The following MYO9B variants were observed in gnomAD, a reference collection of about 807,000 sequenced individuals.
MYO9B encodes unconventional myosin-IXb.
Under a neutral mutation model 229.5 loss-of-function variants are expected in MYO9B, and 71 were observed. The observed-to-expected ratio is 0.31, with a 90% CI of 0.26 to 0.38. The LOEUF is 0.38. Ranked by LOEUF, MYO9B falls within the 10% of genes least tolerant of loss-of-function variation. The probability of loss-of-function intolerance (pLI) is 1.00; values close to 1 mark genes in which losing one functional copy is unlikely to be tolerated. For synonymous variants in MYO9B, 1,185 were observed against 1,235.8 expected (o/e 0.96, Z 0.86); for missense variants, 2,255 against 2,920.5 (o/e 0.77, Z 5.25).
At chr19:17,198,939 G>A (rs940268102) in intron 24 of MYO9B, among the ~76,000 whole-genome samples, 3 of 152,062 alleles carry the variant, frequency 2.0e-5, no homozygotes, top group South Asian at 2.1e-4. Flanking sequence ...AGTAGGTCAC[G>A]CCTGTAATCT....
intron 1 of MYO9B, among the ~76,000 whole-genome samples, chr19:17,080,251 G>A (rs2057522559): frequency 6.6e-6 from 1 of 152,230 alleles, no homozygotes; most frequent in Admixed American, 6.5e-5. Flanking sequence ...CTGGGTGCCT[G>A]AGTTTGCTAG....
Position 17,184,997 on chromosome 19 carries a change from G to A in MYO9B, c.2496+10G>A, listed in dbSNP as rs762784341. ...CAGCGCCCAGTTCCAGGTAGGTGGAGCAGGAGAGGCAGAAGGTGGCGGTCA... is the reference window on the plus strand; with the variant it reads ...CAGCGCCCAGTTCCAGGTAGGTGGAACAGGAGAGGCAGAAGGTGGCGGTCA... On this transcript the variant is annotated intron_variant, in intron 17 of 39. Coordinates refer to ENST00000682292, the MANE Select transcript of MYO9B (RefSeq NM_004145.4). 1.5e-5 allele frequency: 24 copies of A among 1,613,706 alleles called. No homozygotes were observed. The highest frequency in any genetic ancestry group is 2.0e-5 in the Non-Finnish European group (24 of 1,179,770).
In MYO9B at chr19:17,184,896, T is replaced by G; in HGVS notation, c.2405T>G (p.Ile802Ser). 1 of 1,613,802 alleles carries G rather than the reference T, an allele frequency of 6.2e-7. No homozygotes were observed. Among genetic ancestry groups the G allele is most frequent in the Non-Finnish European group, 8.5e-7 (1 of 1,179,812 alleles). The change falls in exon 17 of 40, where the codon ATC (isoleucine) becomes AGC (serine). Residue 802 changes from isoleucine to serine, a missense_variant. By Grantham distance (142) the Ile-to-Ser change is moderately radical (BLOSUM62 -2). Transcript: ENST00000682292. ...CTGGACTCCAAGTCCCTGAAACTCA[T>G]CATCAGCATGACTCTGCACGACCGC... is the stretch of plus-strand genomic sequence containing the variant. ...NLLDSKSLKL[I>S]ISMTLHDRTT...
intron 1 of MYO9B, among the ~76,000 whole-genome samples, chr19:17,087,503 G>A (rs931775680): frequency 5.3e-5 from 8 of 152,152 alleles, no homozygotes; most frequent in South Asian, 2.1e-4. Flanking sequence ...TGGAGCAACC[G>A]AAGGGCTCAC....
At chr19:17,147,332 C>A (rs571661295) in intron 3 of MYO9B, among the ~76,000 whole-genome samples, 1 of 151,988 alleles carries the variant, frequency 6.6e-6, no homozygotes, top group Non-Finnish European at 1.5e-5. Context: ...CACCTGAAGT[C>A]GGGAGTTCAA....
intron 1 of MYO9B, among the ~76,000 whole-genome samples, chr19:17,081,518 G>C (rs1732497592): frequency 6.6e-6 from 1 of 152,122 alleles, no homozygotes; most frequent in African/African-American, 2.4e-5. Context: ...TGACTAAAGA[G>C]AGGTGAGAGG....
chr19:17,093,352 G>T (rs1201440843), intron 1 of MYO9B, among the ~76,000 whole-genome samples: 1 of 151,718 alleles, frequency 6.6e-6, no homozygotes, highest in Non-Finnish European at 1.5e-5. Context: ...AAAAGAAAAA[G>T]ACATATATCT....
Position 17,152,684 on chromosome 19 carries a change from G to T in MYO9B, c.976G>T (p.Val326Leu). 6.2e-7 allele frequency: 1 copy of T among 1,613,478 alleles called. No homozygotes were observed. Among genetic ancestry groups the T allele is most frequent in the Non-Finnish European group, 8.5e-7 (1 of 1,179,688 alleles). ...ATATCTGCTTGAAAAGTCTCGCCTG[G>T]TGTCTCAGGAGAAGGATGAGAGGTA... Reference protein sequence around the residue: ...EKYLLEKSRLVSQEKDERNYH... With the variant: ...EKYLLEKSRLLSQEKDERNYH... Residue 326 changes from valine to leucine, a missense_variant, in exon 4 of 40, where the codon GTG becomes TTG. Physicochemically the swap from Val to Leu is conservative, Grantham distance 32 (BLOSUM62 1). This residue lies in a region of MYO9B where 386 missense variants were observed against 515.2 expected (regional missense o/e 0.75). Coordinates refer to ENST00000682292, the MANE Select transcript of MYO9B (RefSeq NM_004145.4).
At chr19:17,160,405 A>G (rs2072585342) in intron 8 of MYO9B, among the ~76,000 whole-genome samples, 1 of 151,966 alleles carries the variant, frequency 6.6e-6, no homozygotes, top group South Asian at 2.1e-4. Context: ...CACATTCTAG[A>G]TCTTGTCTGT....
At position 17,212,492 on chromosome 19, in the gene MYO9B, A is replaced by G; in HGVS notation, c.*182A>G. 1.5e-6 allele frequency: 1 copy of G among 680,408 alleles called. No individual in the cohort carries two copies. The highest frequency in any genetic ancestry group is 2.3e-6 in the Non-Finnish European group (1 of 442,880). The allele number at this position is 680,408 out of a possible 1,614,324, so 42.1% of individuals were successfully genotyped here. On this transcript the variant is annotated 3_prime_UTR_variant, in exon 40 of 40. Transcript: ENST00000682292. This position sits in a 1 kb window ranked among gnomAD's most constrained non-coding sequence, Gnocchi z 5.4. ...AGGCAGGGAGAGGCCGGCTGGAGCC[A>G]GGCCCCCTCGCACGCAGCCCCCAAA...
At chr19:17,126,660 T>C (rs1001204985) in intron 2 of MYO9B, among the ~76,000 whole-genome samples, 1 of 151,740 alleles carries the variant, frequency 6.6e-6, no homozygotes, top group Non-Finnish European at 1.5e-5. Context: ...TTTTGACTTT[T>C]TTTTTTCTTT....
chr19:17,151,017 C>T (rs536357367), intron 3 of MYO9B, among the ~76,000 whole-genome samples: 12 of 150,334 alleles, frequency 8.0e-5, no homozygotes, highest in East Asian at 1.9e-4. Context: ...CAGTGGCTCA[C>T]GCCTCTAATC....
intron 26 of MYO9B, 100 bp from the exon 27 acceptor site, chr19:17,201,826 G>C: frequency 1.2e-6 from 1 of 807,870 alleles, no homozygotes; most frequent in South Asian, 1.6e-5. Context: ...GAGCCTAGGG[G>C]ATGACTTAAG....
chr19:17,201,012 G>A (rs1281752219), intron 26 of MYO9B, among the ~76,000 whole-genome samples, 183 bp downstream of exon 26: 1 of 152,234 alleles, frequency 6.6e-6, no homozygotes, highest in Non-Finnish European at 1.5e-5. Context: ...GCTGAGACAG[G>A]AGAATCACTT....
At chr19:17,187,803 C>T (rs1219382733) in intron 18 of MYO9B, 132 bp from the exon 19 acceptor site, 11 of 715,796 alleles carry the variant, frequency 1.5e-5, no homozygotes, top group South Asian at 1.0e-4. Flanking sequence ...TGTCTGTGTT[C>T]GGCATCCCAA....
Position 17,211,929 on chromosome 19 carries a change from G to GGCCCCC in MYO9B, c.6093_6094insGCCCCC (p.Ala2031_Pro2032insAlaPro). ...CGCCTGCTCTCCCTTGCCCCGGCGC[G>GGCCCCC]CCCACCCCGAGCCCCCTCCCCACCG... On this transcript the variant is annotated inframe_insertion, in exon 40 of 40. Coordinates refer to ENST00000682292, the MANE Select transcript of MYO9B (RefSeq NM_004145.4). 1.3e-6 allele frequency: 2 copies of GGCCCCC among 1,552,368 alleles called. No individual in the cohort carries two copies. Among genetic ancestry groups the GGCCCCC allele is most frequent in the Non-Finnish European group, 1.7e-6 (2 of 1,147,702 alleles).
intron 28 of MYO9B, 135 bp downstream of exon 28, chr19:17,202,438 TG>T (rs2073117802): frequency 6.7e-6 from 6 of 896,786 alleles, no homozygotes; most frequent in Non-Finnish European, 8.4e-6. Flanking sequence ...CCACAGCCAC[TG>T]TGCCATGACT....
At position 17,102,531 on chromosome 19, in the gene MYO9B, A is replaced by G. The variant is rs751856655; in HGVS notation, c.814A>G (p.Ile272Val). The G allele has an allele frequency of 1.2e-6, 2 of 1,604,668 alleles. No homozygotes were observed. The highest frequency in any genetic ancestry group is 1.7e-6 in the Non-Finnish European group (2 of 1,175,530). ...KGYASGVERT[I>V]LGAGPVLEAF... Reference sequence around the variant, plus strand: ...CTACGCCAGCGGCGTCGAGAGGACCATCCTGGGTGCTGGCCCTGTGCTGGA... The same window carrying G: ...CTACGCCAGCGGCGTCGAGAGGACCGTCCTGGGTGCTGGCCCTGTGCTGGA... The change falls in exon 2 of 40, where the codon ATC (isoleucine) becomes GTC (valine). Residue 272 changes from isoleucine (I) to valine (V), a missense_variant. Ile to Val is a conservative substitution (Grantham distance 29). Transcript: ENST00000682292.
chr19:17,091,865 G>A (rs2057641820), intron 1 of MYO9B, among the ~76,000 whole-genome samples: 1 of 152,216 alleles, frequency 6.6e-6, no homozygotes, highest in Non-Finnish European at 1.5e-5. Flanking sequence ...TGCCAGTCCT[G>A]TGACCGTCCC....
Sources: allele counts gnomAD v4.1 joint callset (sites outside exome capture counted in the v4.1 genomes callset), GRCh38; gene constraint gnomAD v4.1.1; regional missense constraint gnomAD v4.1.1; non-coding constraint Gnocchi (gnomAD v3.1); transcripts MANE v1.5; gene names NCBI Gene and HGNC (gene_info 2026-07-23, HGNC 2026-07-21).